The following ALLC variants were observed in gnomAD, a reference collection of about 807,000 sequenced individuals.
ALLC encodes allantoicase.
In ALLC, 40 loss-of-function variants were observed where a neutral mutation model predicts 45.0. The observed-to-expected ratio is 0.89, with a 90% CI of 0.69 to 1.16. The LOEUF is 1.16. Among genes scored for constraint, ALLC ranks in the 50% most tolerant of loss-of-function variants. The pLI, the probability that ALLC is intolerant of heterozygous loss-of-function variation, is 0.00. For synonymous variants in ALLC, 176 were observed against 178.1 expected (o/e 0.99, Z 0.09); for missense variants, 488 against 493.1 (o/e 0.99, Z 0.10).
chr2:3,685,749 TA>T (rs1047916328), intron 7 of ALLC, among the ~76,000 whole-genome samples: 2 of 151,074 alleles, frequency 1.3e-5, no homozygotes, highest in Non-Finnish European at 3.0e-5. Context: ...GTTGAGCATT[TA>T]AAAAATATAC....
At chr2:3,659,568 T>C (rs1212663121) in intron 1 of ALLC, among the ~76,000 whole-genome samples, 2 of 152,220 alleles carry the variant, frequency 1.3e-5, no homozygotes, top group East Asian at 3.8e-4. Context: ...CCACAGGCTG[T>C]CTGAGCACTG....
chr2:3,695,597 A>T, intron 7 of ALLC, 120 bp from the exon 8 acceptor site: 2 of 1,067,950 alleles, frequency 1.9e-6, no homozygotes, highest in South Asian at 2.9e-5. Flanking sequence ...GAGAAACAGC[A>T]GGTGGGTGTG....
At chr2:3,674,619 T>C (rs1015411788) in intron 3 of ALLC, among the ~76,000 whole-genome samples, 1 of 152,152 alleles carries the variant, frequency 6.6e-6, no homozygotes, top group Admixed American at 6.5e-5. Context: ...CAGGTGCACA[T>C]TGAGCTAATG....
the ALLC span, among the ~76,000 whole-genome samples, chr2:3,649,452 A>G: frequency 0.038 from 5,850 of 152,268 alleles, 374 homozygotes; most frequent in African/African-American, 0.13. Context: ...CGTGTTAGCC[A>G]GGATGGTCTC....
chr2:3,673,924 G>T, intron 2 of ALLC, 151 bp from the exon 3 acceptor site: 1 of 616,816 alleles, frequency 1.6e-6, no homozygotes. Context: ...GCATTTCAAG[G>T]CATCATGGCT....
At chr2:3,678,317 A>G (rs1444821222) in intron 3 of ALLC, 151 bp from the exon 4 acceptor site, 6 of 610,570 alleles carry the variant, frequency 9.8e-6, no homozygotes, top group East Asian at 2.8e-5. Flanking sequence ...TCAATCTGGA[A>G]GGGGCTAGCT....
At chr2:3,663,467 G>A (rs1295189157) in intron 1 of ALLC, among the ~76,000 whole-genome samples, 2 of 152,110 alleles carry the variant, frequency 1.3e-5, no homozygotes, top group African/African-American at 4.8e-5. Flanking sequence ...TAGCTAATGG[G>A]TGCTGGGCTT....
chr2:3,663,874 C>T (rs1666633287), intron 1 of ALLC, among the ~76,000 whole-genome samples: 1 of 152,254 alleles, frequency 6.6e-6, no homozygotes. Context: ...TGGAAAATCT[C>T]TTCTGTTCTG....
rs571860666 is a variant in ALLC at position 3,676,090 on chromosome 2, G to A, written c.84+1965G>A. Among the ~76,000 whole-genome samples the A allele has an allele frequency of 3.5e-3, 531 of 152,350 alleles. 3 individuals are homozygous for A. Among genetic ancestry groups the A allele is most frequent in the African/African-American group, 0.012 (485 of 41,576 alleles). The stretch of plus-strand genomic sequence containing the variant: ...ATCACCTCCCAAAGTCCTCATCTCC[G>A]AATACCATCACTCTGGGGATTAGGT... On this transcript the variant is annotated intron_variant, in intron 3 of 11. Transcript: ENST00000252505.
intron 1 of ALLC, among the ~76,000 whole-genome samples, chr2:3,667,417 C>T (rs1165304365): frequency 1.8e-4 from 28 of 152,186 alleles, no homozygotes; most frequent in Admixed American, 1.8e-3. Context: ...GTTTGTTTAA[C>T]CAACACTCCC....
chr2:3,659,392 C>T (rs13385249), intron 1 of ALLC, among the ~76,000 whole-genome samples: 3,469 of 152,300 alleles, frequency 0.023, 132 homozygotes, highest in African/African-American at 0.079. Flanking sequence ...TGACAATGCT[C>T]CTCATTTGCG....
At chr2:3,691,352 C>T (rs112481521) in intron 7 of ALLC, among the ~76,000 whole-genome samples, 1 of 139,788 alleles carries the variant, frequency 7.2e-6, no homozygotes, top group African/African-American at 2.5e-5. Flanking sequence ...TCCTTTGGCT[C>T]AGATGATTCT....
intron 3 of ALLC, among the ~76,000 whole-genome samples, chr2:3,676,001 C>T (rs1268017898): frequency 1.3e-5 from 2 of 152,218 alleles, no homozygotes; most frequent in African/African-American, 4.8e-5. Flanking sequence ...GGGAAGCAGG[C>T]CATCTCCTGC....
chr2:3,664,699 C>T (rs1028615033), intron 1 of ALLC, among the ~76,000 whole-genome samples: 4 of 152,066 alleles, frequency 2.6e-5, no homozygotes, highest in African/African-American at 9.7e-5. Context: ...GCCCGGGCAA[C>T]ATAGTGAGAC....
chr2:3,690,091 A>C (rs929103877), intron 7 of ALLC, among the ~76,000 whole-genome samples: 7 of 148,854 alleles, frequency 4.7e-5, no homozygotes, highest in African/African-American at 1.2e-4. Flanking sequence ...TTTATAGGTC[A>C]AGTGGGTTTC....
chr2:3,668,025 A>G (rs1005473586), intron 1 of ALLC, among the ~76,000 whole-genome samples: 2 of 152,298 alleles, frequency 1.3e-5, no homozygotes, highest in Admixed American at 1.3e-4. Context: ...TCGGCCTCCC[A>G]AAGTGCTGGG....
Position 3,702,523 on chromosome 2 carries a change from C to T in ALLC, c.1136C>T (p.Pro379Leu). ...SICLLRPREK[P>L]MLKFSVSFKA... ...TGCCTCCTGAGGCCCCGGGAGAAGC[C>T]CATGTTGAAGTTCTCGGTGAGCTTC... The change falls in exon 12 of 12, where the codon CCC becomes CTC. Residue 379 changes from proline to leucine, a missense_variant. Transcript: ENST00000252505. 6.2e-7 allele frequency: 1 copy of T among 1,606,970 alleles called. No homozygotes were observed. Among genetic ancestry groups the T allele is most frequent in the Middle Eastern group, 1.7e-4 (1 of 6,002 alleles).
At position 3,659,567 on chromosome 2, in the gene ALLC, G is replaced by C. The variant is rs543586579; in HGVS notation, c.-63+1273G>C. On this transcript the variant is annotated intron_variant, in intron 1 of 11. Transcript: ENST00000252505. Reference sequence around the variant, plus strand: ...AGCTTAGAAGCAGCTGCCACAGGCTGTCTGAGCACTGTGAGCTGCTGAGCT... The same window carrying C: ...AGCTTAGAAGCAGCTGCCACAGGCTCTCTGAGCACTGTGAGCTGCTGAGCT... Among the ~76,000 whole-genome samples the C allele has an allele frequency of 2.0e-5, 3 of 152,340 alleles. No individual in the cohort carries two copies. In the South Asian group the frequency reaches 6.2e-4, roughly 32 times the overall value.
chr2:3,697,621 G>GTCTGTCTGTCTGTCTGTCTATCTATCTA (rs1354630765), intron 10 of ALLC, among the ~76,000 whole-genome samples, 165 bp downstream of exon 10: 14 of 125,324 alleles, frequency 1.1e-4, no homozygotes, highest in African/African-American at 3.6e-4. Context: ...CTGTCTGTCT[G>GTCTGTCTGTCTGTCTGTCTATCTATCTA]TCTATCTATC....
Sources: gnomAD v4.1 joint callset for allele counts (sites outside exome capture counted in the v4.1 genomes callset) on GRCh38, gnomAD v4.1.1 for gene constraint, MANE v1.5 for transcripts, NCBI Gene and HGNC (gene_info 2026-07-23, HGNC 2026-07-21) for gene names.